MROH7: variants seen among roughly 807,000 people sequenced by gnomAD.
MROH7 encodes maestro heat like repeat family member 7.
Under a neutral mutation model 129.2 loss-of-function variants are expected in MROH7, and 113 were observed. The ratio of observed to expected loss-of-function variants is 0.87; its 90% CI spans 0.75 to 1.02. MROH7 has a LOEUF of 1.02. Among genes scored for constraint, MROH7 ranks in the 50% least tolerant of loss-of-function variants. The probability of loss-of-function intolerance (pLI) is 0.00; values close to 1 mark genes in which losing one functional copy is unlikely to be tolerated. For synonymous variants in MROH7, 655 were observed against 667.9 expected (o/e 0.98, Z 0.30); for missense variants, 1,601 against 1,671.3 (o/e 0.96, Z 0.73).
At chr1:54,709,533 T>C (rs1005831074) in intron 23 of MROH7, among the ~76,000 whole-genome samples, 9 of 152,142 alleles carry the variant, frequency 5.9e-5, no homozygotes, top group Non-Finnish European at 8.8e-5. Flanking sequence ...TACTAGTTTT[T>C]AATCCAGGTT....
At position 54,686,272 on chromosome 1, in the gene MROH7, G is replaced by A. The variant is rs1163651824; in HGVS notation, c.2535G>A (p.Leu845=). The A allele has an allele frequency of 6.2e-7, 1 of 1,613,580 alleles. No individual in the cohort carries two copies. Among genetic ancestry groups the A allele is most frequent in the South Asian group, 1.1e-5 (1 of 90,996 alleles). The change falls in exon 15 of 24, where the codon CTG becomes CTA. Residue 845 remains leucine, a synonymous_variant. Transcript: ENST00000421030. ...CTGCCCCATAGGCAGCCAGCGGCCT[G>A]TGCGAGCTCCTGTCCGTCAACAGCT... is the stretch of plus-strand genomic sequence containing the variant. The part of the protein sequence containing the change: ...SIVPLAAASG[L]CELLSVNSCM...
At chr1:54,701,390 G>A in intron 19 of MROH7, 68 bp downstream of exon 19, 6 of 1,373,450 alleles carry the variant, frequency 4.4e-6, no homozygotes, top group Non-Finnish European at 4.9e-6. Context: ...CTTGGGGGCT[G>A]CATTTCCACC....
chr1:54,643,370 G>A (rs138725565), intron 1 of MROH7, among the ~76,000 whole-genome samples: 2 of 152,320 alleles, frequency 1.3e-5, no homozygotes, highest in East Asian at 1.9e-4. Context: ...CAAGAGGGAG[G>A]CCAAAACATT....
chr1:54,653,516 G>A lies in MROH7; in HGVS notation c.590G>A (p.Ser197Asn), dbSNP rs1287798057. The A allele has an allele frequency of 6.2e-7, 1 of 1,614,152 alleles. No homozygotes were observed. Among genetic ancestry groups the A allele is most frequent in the African/African-American group, 1.3e-5 (1 of 75,024 alleles). Residue 197 changes from serine to asparagine, a missense_variant, in exon 3 of 24, where the codon AGC becomes AAC. Transcript: ENST00000421030. The stretch of plus-strand genomic sequence containing the variant: ...CTGGGCCACTGCATCTCTAGGCCAA[G>A]CTCAAAAGCACTCCTTATTCCAACC... ...LVLGHCISRP[S>N]SKALLIPTSN...
rs374654319 is a variant in MROH7, at chr1:54,679,175, G to A, written c.2050-88G>A. ...GCTGACCTCTGCATGTGGGCGTCAG[G>A]CAGTGTTTGTGCCTCTGTGCACAAA... is the stretch of plus-strand genomic sequence containing the variant. On this transcript the variant is annotated intron_variant, in intron 11 of 23. Transcript: ENST00000421030. 6 of 1,322,116 alleles carry A rather than the reference G, an allele frequency of 4.5e-6. No homozygotes were observed. In the East Asian group the frequency reaches 6.9e-5, roughly 15 times the overall value. 81.9% of individuals were successfully genotyped at this position (1,322,116 alleles called of 1,614,324 possible). A position where few individuals can be genotyped will look rare whatever the true frequency, so the allele number is the denominator to read the frequency against.
chr1:54,654,115 C>A lies in MROH7; in HGVS notation c.1189C>A (p.Pro397Thr), dbSNP rs775623305. Reference sequence around the variant, plus strand: ...CCCGCTGGGATTCCCCATCTCCAACCCCGCAGGCAAGGACGCCGTGACCTT... The same window carrying A: ...CCCGCTGGGATTCCCCATCTCCAACACCGCAGGCAAGGACGCCGTGACCTT... The part of the protein sequence containing the change: ...QFPLGFPISN[P>T]AGKDAVTLQG... The change falls in exon 3 of 24, where the codon CCC becomes ACC. Residue 397 changes from proline (P) to threonine (T), a missense_variant. Pro to Thr is a conservative substitution (Grantham distance 38). Transcript: ENST00000421030. 13 of 1,613,718 alleles carry A rather than the reference C, an allele frequency of 8.1e-6. No homozygotes were observed. In the South Asian group the frequency reaches 1.2e-4, roughly 15 times the overall value.
intron 1 of MROH7, among the ~76,000 whole-genome samples, chr1:54,648,503 T>C (rs1268303748): frequency 6.6e-6 from 1 of 151,884 alleles, no homozygotes; most frequent in Non-Finnish European, 1.5e-5. Context: ...GTAGCTGGGA[T>C]TACAGACGGG....
rs1645022838 is a variant in MROH7, at chr1:54,678,855, G to GT, written c.2049+2dup. The GT allele has an allele frequency of 1.2e-6, 2 of 1,612,112 alleles. No homozygotes were observed. The highest frequency in any genetic ancestry group is 2.7e-5 in the African/African-American group (2 of 74,850). On this transcript the variant is annotated splice_donor_variant, in intron 11 of 23. Coordinates refer to ENST00000421030, the MANE Select transcript of MROH7 (RefSeq NM_001039464.4). LOFTEE classifies it high-confidence loss of function. ...CCAGAACATTCTGCGGGTGATCGAG[G>GT]TGACTGCCTGGTGCCCATCCAGGAG...
At chr1:54,702,843 T>C in intron 21 of MROH7, 98 bp downstream of exon 21, 1 of 1,412,268 alleles carries the variant, frequency 7.1e-7, no homozygotes, top group Non-Finnish European at 9.6e-7. Context: ...AGCATCCTAT[T>C]TCCATGACCA....
chr1:54,671,983 G>A (rs959969830), intron 7 of MROH7, among the ~76,000 whole-genome samples: 1 of 152,094 alleles, frequency 6.6e-6, no homozygotes, highest in Admixed American at 6.5e-5. Flanking sequence ...AAACTGAGAG[G>A]TTAAAGAAGA....
At chr1:54,663,686 A>G (rs1313080623) in intron 3 of MROH7, 2 of 170,526 alleles carry the variant, frequency 1.2e-5, no homozygotes, top group Non-Finnish European at 2.1e-5. Context: ...CATCAGCTCT[A>G]AAAAAAAAAA....
chr1:54,657,986 T>C (rs920531953), intron 3 of MROH7, among the ~76,000 whole-genome samples: 6 of 152,154 alleles, frequency 3.9e-5, no homozygotes, highest in African/African-American at 1.4e-4. Context: ...AACAGTTTAA[T>C]ACAGTGGTAT....
intron 22 of MROH7, among the ~76,000 whole-genome samples, chr1:54,707,374 G>A (rs565294778): frequency 8.5e-5 from 13 of 152,210 alleles, no homozygotes; most frequent in South Asian, 2.1e-4. Flanking sequence ...GTTTTCTTCC[G>A]TCCGATCATT....
chr1:54,657,423 G>T (rs925836227), intron 3 of MROH7, among the ~76,000 whole-genome samples: 2 of 152,084 alleles, frequency 1.3e-5, no homozygotes, highest in Non-Finnish European at 2.9e-5. Flanking sequence ...CTGTCACACA[G>T]GCTGGAGTGC....
intron 4 of MROH7, among the ~76,000 whole-genome samples, chr1:54,667,460 T>A (rs993950807): frequency 2.9e-5 from 2 of 68,916 alleles, no homozygotes; most frequent in African/African-American, 5.1e-5. Flanking sequence ...GTGTTTACAA[T>A]TTTTTTTTTT....
chr1:54,676,565 T>C (rs1407183106), intron 10 of MROH7, among the ~76,000 whole-genome samples: 1 of 151,906 alleles, frequency 6.6e-6, no homozygotes, highest in Non-Finnish European at 1.5e-5. Flanking sequence ...GGCTAATTTT[T>C]GTGTTTTTTA....
intron 3 of MROH7, chr1:54,659,190 G>A: frequency 5.5e-6 from 2 of 361,368 alleles, no homozygotes; most frequent in Non-Finnish European, 1.1e-5. Flanking sequence ...TGCCTCCCAG[G>A]TTCAAGTGAT....
In MROH7 at chr1:54,703,060, C is replaced by T. The variant is rs982262166; in HGVS notation, c.3564+315C>T. On this transcript the variant is annotated intron_variant, in intron 21 of 23. Coordinates refer to ENST00000421030, the MANE Select transcript of MROH7 (RefSeq NM_001039464.4). This position sits in a 1 kb window ranked among gnomAD's most constrained non-coding sequence, Gnocchi z 4.4. ...CCCCCAAGCAGAAACCTAGAATCCT[C>T]TTGGGCTCCTTCATCTCCCTCACCC... Among the ~76,000 whole-genome samples, 2 of 152,262 alleles carry T rather than the reference C, an allele frequency of 1.3e-5. No homozygotes were observed. The highest frequency in any genetic ancestry group is 1.3e-4 in the Admixed American group (2 of 15,288).
chr1:54,654,171 CG>C lies in MROH7; in HGVS notation c.1231+15del, dbSNP rs1644605405. 4.4e-6 allele frequency: 7 copies of C among 1,587,908 alleles called. No homozygotes were observed. Among genetic ancestry groups the C allele is most frequent in the Non-Finnish European group, 6.0e-6 (7 of 1,167,598 alleles). Reference sequence around the variant, plus strand: ...GCATCCCTGAGGGTAAGGCCAGGGCCGCAGCCCTAGAGAGAGCACTGTCCTG... The same window carrying C: ...GCATCCCTGAGGGTAAGGCCAGGGCCCAGCCCTAGAGAGAGCACTGTCCTG... On this transcript the variant is annotated intron_variant, in intron 3 of 23. Coordinates refer to ENST00000421030, the MANE Select transcript of MROH7 (RefSeq NM_001039464.4).
Sources: gnomAD v4.1 joint callset for allele counts (sites outside exome capture counted in the v4.1 genomes callset) on GRCh38, gnomAD v4.1.1 for gene constraint, Gnocchi (gnomAD v3.1) non-coding constraint, MANE v1.5 for transcripts, NCBI Gene and HGNC (gene_info 2026-07-23, HGNC 2026-07-21) for gene names.